The following ARB2A variants were observed in gnomAD, a reference collection of about 807,000 sequenced individuals.
ARB2A encodes ARB2 cotranscriptional regulator A.
the ARB2A span, among the ~76,000 whole-genome samples, chr5:93,678,409 C>A: frequency 2.6e-5 from 4 of 152,236 alleles, no homozygotes; most frequent in South Asian, 8.3e-4. Context: ...CTGGGGCAAT[C>A]ATAATCAAGG....
chr5:93,741,038 T>G, the ARB2A span: 2 of 1,613,900 alleles, frequency 1.2e-6, no homozygotes, highest in Admixed American at 3.3e-5. Context: ...TTCCACATGT[T>G]GGCGACGCTT....
At chr5:93,695,496 T>C in the ARB2A span, among the ~76,000 whole-genome samples, 124 of 152,274 alleles carry the variant, frequency 8.1e-4, 1 homozygote, top group African/African-American at 2.8e-3. Context: ...TACCATCTCA[T>C]GCCAGTTAGA....
At chr5:93,933,612 T>G in the ARB2A span, among the ~76,000 whole-genome samples, 1 of 151,238 alleles carries the variant, frequency 6.6e-6, no homozygotes, top group Non-Finnish European at 1.5e-5. Flanking sequence ...TAAGAACACA[T>G]GGACACAAGG....
At chr5:93,740,809 T>G in the ARB2A span, 1 of 1,613,500 alleles carries the variant, frequency 6.2e-7, no homozygotes, top group Non-Finnish European at 8.5e-7. Context: ...TCGAACCACA[T>G]CCTTCTGCAG....
chr5:93,882,229 C>T, the ARB2A span, among the ~76,000 whole-genome samples: 1 of 151,166 alleles, frequency 6.6e-6, no homozygotes, highest in South Asian at 2.1e-4. Flanking sequence ...CCATCCATAC[C>T]TACATTATTA....
the ARB2A span, among the ~76,000 whole-genome samples, chr5:94,023,617 A>G: frequency 1.3e-5 from 2 of 152,324 alleles, no homozygotes; most frequent in African/African-American, 4.8e-5. Flanking sequence ...TTCATTCACT[A>G]CAATGATGAA....
chr5:93,994,212 C>T, the ARB2A span, among the ~76,000 whole-genome samples: 14 of 152,210 alleles, frequency 9.2e-5, no homozygotes, highest in Non-Finnish European at 4.4e-5. Context: ...GACATCTGCA[C>T]TCCCATGCTC....
the ARB2A span, among the ~76,000 whole-genome samples, chr5:93,832,177 G>A: frequency 6.6e-6 from 1 of 152,082 alleles, no homozygotes; most frequent in Non-Finnish European, 1.5e-5. Flanking sequence ...GAACCTCCGA[G>A]GATTTACTAT....
chr5:94,050,705 A>G, the ARB2A span: 22 of 1,516,064 alleles, frequency 1.5e-5, no homozygotes, highest in African/African-American at 2.8e-4. Flanking sequence ...GGGAAAAACA[A>G]AGTTAAAGTA....
At chr5:93,918,749 G>A in the ARB2A span, among the ~76,000 whole-genome samples, 1 of 152,046 alleles carries the variant, frequency 6.6e-6, no homozygotes, top group Non-Finnish European at 1.5e-5. Flanking sequence ...TGTTCTCAGA[G>A]TCCCGTATTG....
chr5:93,950,704 G>A, the ARB2A span, among the ~76,000 whole-genome samples: 1 of 151,328 alleles, frequency 6.6e-6, no homozygotes, highest in East Asian at 2.0e-4. Context: ...CAGCACTTTG[G>A]GAGGCCAAGG....
the ARB2A span, among the ~76,000 whole-genome samples, chr5:93,769,930 G>T: frequency 6.6e-6 from 1 of 152,178 alleles, no homozygotes; most frequent in Admixed American, 6.5e-5. Context: ...CTTAAGGAAA[G>T]AAATGGTCAG....
At chr5:94,022,467 C>T in the ARB2A span, among the ~76,000 whole-genome samples, 3 of 152,144 alleles carry the variant, frequency 2.0e-5, no homozygotes, top group East Asian at 1.9e-4. Context: ...AAACAAACTA[C>T]GTTGGACCAC....
chr5:94,053,034 T>C, the ARB2A span: 8 of 558,890 alleles, frequency 1.4e-5, no homozygotes, highest in Non-Finnish European at 2.1e-5. Flanking sequence ...ATCTGTCTTA[T>C]TATTCTATGA....
At chr5:93,962,752 G>GT in the ARB2A span, among the ~76,000 whole-genome samples, 3 of 152,018 alleles carry the variant, frequency 2.0e-5, no homozygotes, top group Non-Finnish European at 1.5e-5. Flanking sequence ...AAAATTCAGA[G>GT]TTTTTAAGTT....
the ARB2A span, among the ~76,000 whole-genome samples, chr5:93,653,226 TAA>T: frequency 4.0e-5 from 6 of 151,884 alleles, no homozygotes; most frequent in Non-Finnish European, 7.4e-5. Flanking sequence ...TGGTCACATA[TAA>T]AAAGACATTA....
chr5:93,971,645 T>C, the ARB2A span, among the ~76,000 whole-genome samples: 13,490 of 151,918 alleles, frequency 0.089, 777 homozygotes, highest in Middle Eastern at 0.16. Flanking sequence ...ATCTATTCCA[T>C]GTTACTTAGT....
the ARB2A span, among the ~76,000 whole-genome samples, chr5:93,826,589 T>A: frequency 6.6e-6 from 1 of 152,132 alleles, no homozygotes; most frequent in African/African-American, 2.4e-5. Context: ...CCTTTTAAAA[T>A]GTTTTTTTAA....
the ARB2A span, chr5:93,805,684 G>T: frequency 1.0e-6 from 1 of 985,120 alleles, no homozygotes; most frequent in African/African-American, 1.7e-5. Flanking sequence ...AAGAAATACA[G>T]CAATTTTGAC....
Sources: gnomAD v4.1 joint callset for allele counts (sites outside exome capture counted in the v4.1 genomes callset) on GRCh38, gnomAD v4.1.1 for gene constraint, MANE v1.5 for transcripts, NCBI Gene and HGNC (gene_info 2026-07-23, HGNC 2026-07-21) for gene names.